Variants in CHSY3 observed in about 807,000 individuals in gnomAD.
CHSY3 encodes the protein chondroitin sulfate synthase 3.
CHSY3 carries 35 observed loss-of-function variants against 67.2 expected under a neutral mutation model. That is an observed-to-expected ratio of 0.52 (90% confidence interval 0.40 to 0.69). CHSY3 has a LOEUF of 0.69. Among genes scored for constraint, CHSY3 ranks in the 30% least tolerant of loss-of-function variants. The probability of loss-of-function intolerance (pLI) is 0.00; values close to 1 mark genes in which losing one functional copy is unlikely to be tolerated. For missense variants in CHSY3, 1,069 were observed against 1,138.5 expected, an observed-to-expected ratio of 0.94 and a Z score of 0.88; for synonymous variants, 474 against 434.7, an observed-to-expected ratio of 1.09 and a Z score of -1.12.
intron 2 of CHSY3, among the ~76,000 whole-genome samples, chr5:130,099,529 C>T (rs1158432825): frequency 2.0e-5 from 3 of 152,260 alleles, no homozygotes; most frequent in African/African-American, 4.8e-5. Flanking sequence ...TGAATTAATA[C>T]GTATGTCTGT....
chr5:130,137,754 A>C (rs1768713091), intron 2 of CHSY3, among the ~76,000 whole-genome samples: 1 of 152,214 alleles, frequency 6.6e-6, no homozygotes, highest in Admixed American at 6.5e-5. Context: ...CAGGACAAAC[A>C]TGATGATCAA....
At chr5:130,060,229 G>C (rs1265807176) in intron 2 of CHSY3, among the ~76,000 whole-genome samples, 2 of 152,144 alleles carry the variant, frequency 1.3e-5, no homozygotes. Context: ...AATCAAGTGG[G>C]TTTTATTCTA....
chr5:130,021,159 G>A (rs13359961), intron 2 of CHSY3, among the ~76,000 whole-genome samples: 81,909 of 151,916 alleles, frequency 0.54, 22,486 homozygotes, highest in East Asian at 0.67. Flanking sequence ...TGATGGGTTT[G>A]GTCACCAGAA....
intron 2 of CHSY3, among the ~76,000 whole-genome samples, chr5:130,171,656 G>A (rs906617569): frequency 6.6e-6 from 1 of 152,078 alleles, no homozygotes; most frequent in African/African-American, 2.4e-5. Flanking sequence ...GCTATTTTCT[G>A]TGTTGTCTGA....
intron 2 of CHSY3, among the ~76,000 whole-genome samples, chr5:130,148,544 C>G (rs936598424): frequency 3.9e-5 from 6 of 152,168 alleles, no homozygotes; most frequent in African/African-American, 7.2e-5. Context: ...TCTCCTCAAC[C>G]TGGCCAGCAC....
At chr5:130,180,825 C>G (rs4836496) in intron 2 of CHSY3, among the ~76,000 whole-genome samples, 139,259 of 152,258 alleles carry the variant, frequency 0.91, 63,736 homozygotes, top group East Asian at 1. Context: ...ATTCCAGCCT[C>G]GGCGACAGAG....
intron 2 of CHSY3, among the ~76,000 whole-genome samples, chr5:130,051,040 A>C (rs1765335047): frequency 6.6e-6 from 1 of 152,148 alleles, no homozygotes; most frequent in Admixed American, 6.6e-5. Flanking sequence ...AAAAGCTATA[A>C]AGTATTATTT....
intron 2 of CHSY3, among the ~76,000 whole-genome samples, chr5:129,942,911 A>T (rs962566348): frequency 6.6e-6 from 1 of 152,190 alleles, no homozygotes; most frequent in Non-Finnish European, 1.5e-5. Flanking sequence ...TCCTGCCTTC[A>T]ACCAAAATTC....
chr5:129,922,682 A>G (rs1339073402), intron 2 of CHSY3, among the ~76,000 whole-genome samples: 1 of 151,224 alleles, frequency 6.6e-6, no homozygotes, highest in Admixed American at 6.6e-5. Flanking sequence ...TAATCATATT[A>G]TTTGTTTTCT....
intron 2 of CHSY3, among the ~76,000 whole-genome samples, chr5:130,173,734 C>T (rs148080923): frequency 6.0e-4 from 92 of 152,114 alleles, no homozygotes; most frequent in African/African-American, 1.7e-3. Flanking sequence ...AAGCTGTATA[C>T]GCTCTTTAAC....
At chr5:130,003,161 G>T (rs750953397) in intron 2 of CHSY3, among the ~76,000 whole-genome samples, 1 of 152,086 alleles carries the variant, frequency 6.6e-6, no homozygotes, top group Admixed American at 6.6e-5. Context: ...GTGAGGACTC[G>T]GCTGGAATAT....
chr5:130,136,346 T>C (rs111915542), intron 2 of CHSY3, among the ~76,000 whole-genome samples: 1 of 152,054 alleles, frequency 6.6e-6, no homozygotes, highest in Non-Finnish European at 1.5e-5. Context: ...AAAACTGGGG[T>C]GTACTGTGTA....
chr5:129,945,330 C>G (rs1312723791), intron 2 of CHSY3, among the ~76,000 whole-genome samples: 1 of 152,066 alleles, frequency 6.6e-6, no homozygotes, highest in African/African-American at 2.4e-5. Context: ...GCCAAACATC[C>G]CAAGAAAAGC....
intron 2 of CHSY3, among the ~76,000 whole-genome samples, chr5:129,973,049 T>C (rs1221657317): frequency 6.6e-6 from 1 of 152,076 alleles, no homozygotes; most frequent in Non-Finnish European, 1.5e-5. Flanking sequence ...CTCTCTCACA[T>C]GATGCTCCTG....
intron 2 of CHSY3, among the ~76,000 whole-genome samples, chr5:130,020,423 ATATATATATATATAT>A: frequency 2.2e-4 from 1 of 4,646 alleles, no homozygotes; most frequent in East Asian, 0.031. Flanking sequence ...TCATCTCAAA[ATATATATATATATAT>A]ATATATATAT....
At chr5:129,938,069 G>A (rs1436080030) in intron 2 of CHSY3, among the ~76,000 whole-genome samples, 1 of 152,204 alleles carries the variant, frequency 6.6e-6, no homozygotes, top group Non-Finnish European at 1.5e-5. Context: ...AGGCTCCCAA[G>A]CCTCAACTCT....
chr5:130,014,115 A>G (rs1764143212), intron 2 of CHSY3, among the ~76,000 whole-genome samples: 2 of 152,212 alleles, frequency 1.3e-5, no homozygotes. Flanking sequence ...AGAACACCTC[A>G]ACTTCTACCT....
At position 130,004,409 on chromosome 5, in the gene CHSY3, A is replaced by G. The variant is rs1763815122; in HGVS notation, c.1086+96049A>G. 2.0e-5 allele frequency among the ~76,000 whole-genome samples: 3 copies of G among 152,340 alleles called. No individual in the cohort carries two copies. In the South Asian group the frequency reaches 6.2e-4, roughly 32 times the overall value. ...ATATTTCTGTTACTTTGAAATTTTT[A>G]AACCATCTAGAATTAGAAATATTGA... On this transcript the variant is annotated intron_variant, in intron 2 of 2. Transcript: ENST00000305031.
Position 130,143,786 on chromosome 5 carries a change from A to ATATATATATATATGTGTG in CHSY3, c.1087-40430_1087-40429insGTGTGTATATATATATAT, listed in dbSNP as rs1561557223. ...TGTGTGTGTATATATATATATGTGT[A>ATATATATATATATGTGTG]TATATATATATATATATATGTGTGT... On this transcript the variant is annotated intron_variant, in intron 2 of 2. Transcript: ENST00000305031. Among the ~76,000 whole-genome samples the ATATATATATATATGTGTG allele has an allele frequency of 5.0e-4, 14 of 28,142 alleles. 1 individual carries two copies. Among genetic ancestry groups the ATATATATATATATGTGTG allele is most frequent in the African/African-American group, 2.8e-3 (14 of 5,038 alleles). 18.5% of individuals were successfully genotyped at this position (28,142 alleles called of 152,430 possible). A position where few individuals can be genotyped will look rare whatever the true frequency, so the allele number is the denominator to read the frequency against.
Sources: gnomAD v4.1 joint callset for allele counts (sites outside exome capture counted in the v4.1 genomes callset) on GRCh38, gnomAD v4.1.1 for gene constraint, MANE v1.5 for transcripts, NCBI Gene and HGNC (gene_info 2026-07-23, HGNC 2026-07-21) for gene names.